The following RARB variants were observed in gnomAD, a reference collection of about 807,000 sequenced individuals.
The protein encoded by RARB is HBV-activated protein.
Under a neutral mutation model 51.9 loss-of-function variants are expected in RARB, and 17 were observed. The ratio of observed to expected loss-of-function variants is 0.33; its 90% CI spans 0.22 to 0.49. The LOEUF is 0.49. RARB is among the 20% of genes least tolerant of loss of function. RARB has a pLI of 0.99. For synonymous variants in RARB, 215 were observed against 195.4 expected, an observed-to-expected ratio of 1.10 and a Z score of -0.84; for missense variants, 369 against 550.8, an observed-to-expected ratio of 0.67 and a Z score of 3.30.
At chr3:24,977,004 T>C (rs117835924) in intron 2 of RARB, among the ~76,000 whole-genome samples, 1,605 of 152,338 alleles carry the variant, frequency 0.011, 25 homozygotes, top group East Asian at 0.086. Flanking sequence ...CCAGCACCGC[T>C]TATTAAATAG....
intron 5 of RARB, among the ~76,000 whole-genome samples, chr3:25,272,092 A>T (rs550152792): frequency 6.6e-6 from 1 of 152,240 alleles, no homozygotes; most frequent in African/African-American, 2.4e-5. Context: ...CTCAGCAGCC[A>T]TGTGCTAGTG....
At chr3:24,958,294 G>A (rs1191903560) in intron 2 of RARB, among the ~76,000 whole-genome samples, 1 of 52,070 alleles carries the variant, frequency 1.9e-5, no homozygotes, top group African/African-American at 5.5e-5. Context: ...TTTTTTAGCT[G>A]TCATGGAGCC....
intron 5 of RARB, among the ~76,000 whole-genome samples, chr3:25,372,919 G>A (rs965462033): frequency 1.3e-5 from 2 of 152,200 alleles, no homozygotes; most frequent in East Asian, 1.9e-4. Context: ...TAAAGTCACA[G>A]GATTTACTGA....
chr3:25,174,611 G>A (rs762480533), intron 5 of RARB: 2 of 1,348,054 alleles, frequency 1.5e-6, no homozygotes, highest in Non-Finnish European at 2.0e-6. Context: ...TTTTCTCTGG[G>A]TTGATTGGAT....
chr3:25,120,155 G>A (rs940532002), intron 3 of RARB, among the ~76,000 whole-genome samples: 1 of 152,120 alleles, frequency 6.6e-6, no homozygotes. Flanking sequence ...TACTATATCA[G>A]GGTTGCAAAC....
chr3:24,845,111 C>G (rs554985104), intron 1 of RARB, among the ~76,000 whole-genome samples: 6 of 152,286 alleles, frequency 3.9e-5, no homozygotes, highest in Admixed American at 2.6e-4. Context: ...CTCCCCTAAT[C>G]TATTAAGGAT....
At chr3:25,520,580 G>T (rs910560118) in intron 3 of RARB, among the ~76,000 whole-genome samples, 2 of 152,132 alleles carry the variant, frequency 1.3e-5, no homozygotes, top group Non-Finnish European at 2.9e-5. Context: ...AATAAGTAGC[G>T]ACTGTGAATA....
At chr3:25,182,230 T>G (rs779501529) in intron 5 of RARB, among the ~76,000 whole-genome samples, 6 of 152,090 alleles carry the variant, frequency 3.9e-5, no homozygotes, top group Non-Finnish European at 8.8e-5. Context: ...AGTGAAAAAA[T>G]AACAGTGTGA....
At chr3:25,089,689 G>A (rs1309501816) in intron 3 of RARB, among the ~76,000 whole-genome samples, 2 of 152,082 alleles carry the variant, frequency 1.3e-5, no homozygotes, top group Non-Finnish European at 2.9e-5. Flanking sequence ...TTATCTCAGT[G>A]AGGTTCAGCA....
At chr3:25,264,129 A>G (rs1172184186) in intron 5 of RARB, among the ~76,000 whole-genome samples, 1 of 151,718 alleles carries the variant, frequency 6.6e-6, no homozygotes, top group Non-Finnish European at 1.5e-5. Flanking sequence ...TTTTAAAAAA[A>G]GGTTGATTCT....
chr3:25,375,755 T>C (rs1250710039), intron 5 of RARB, among the ~76,000 whole-genome samples: 1 of 152,202 alleles, frequency 6.6e-6, no homozygotes, highest in Non-Finnish European at 1.5e-5. Flanking sequence ...TGTAGATGTA[T>C]GCTGGGATGC....
chr3:25,585,508 T>C (rs183249771), intron 5 of RARB, among the ~76,000 whole-genome samples: 199 of 152,364 alleles, frequency 1.3e-3, no homozygotes, highest in Non-Finnish European at 2.1e-3. Flanking sequence ...CTGTATTTTT[T>C]ACAATGAAAT....
chr3:25,380,708 A>G (rs929071617), intron 5 of RARB, among the ~76,000 whole-genome samples: 1 of 152,204 alleles, frequency 6.6e-6, no homozygotes, highest in Non-Finnish European at 1.5e-5. Flanking sequence ...GAATGTTGAT[A>G]TAGCTTAAAT....
intron 1 of RARB, among the ~76,000 whole-genome samples, chr3:25,449,040 A>C (rs1432253485): frequency 6.6e-6 from 1 of 151,858 alleles, no homozygotes; most frequent in Non-Finnish European, 1.5e-5. Context: ...TGGTTAAGGG[A>C]GTATATGTGG....
At chr3:24,988,918 C>G (rs904414417) in intron 2 of RARB, among the ~76,000 whole-genome samples, 4 of 152,172 alleles carry the variant, frequency 2.6e-5, no homozygotes, top group African/African-American at 9.7e-5. Flanking sequence ...CTCCGCTTCC[C>G]AGGCTCAAGC....
chr3:24,925,344 C>T (rs113425158), intron 2 of RARB, among the ~76,000 whole-genome samples: 199 of 152,036 alleles, frequency 1.3e-3, no homozygotes, highest in African/African-American at 4.6e-3. Flanking sequence ...TAGATATGTC[C>T]TTGGAAAGAA....
At chr3:25,009,020 C>T (rs1054212285) in intron 2 of RARB, among the ~76,000 whole-genome samples, 3 of 152,078 alleles carry the variant, frequency 2.0e-5, no homozygotes, top group Non-Finnish European at 2.9e-5. Context: ...GCCTATTTGC[C>T]GAAGAAGCAG....
At chr3:25,184,385 A>T (rs1265501619) in intron 5 of RARB, among the ~76,000 whole-genome samples, 1 of 152,098 alleles carries the variant, frequency 6.6e-6, no homozygotes, top group Non-Finnish European at 1.5e-5. Flanking sequence ...TTCATGGTGA[A>T]TCACATGTGG....
chr3:24,921,925 A>G (rs1256773661), intron 2 of RARB, among the ~76,000 whole-genome samples: 1 of 152,210 alleles, frequency 6.6e-6, no homozygotes, highest in Non-Finnish European at 1.5e-5. Context: ...AAGGCTGCAG[A>G]TTGATGCAGG....
Sources: allele counts gnomAD v4.1 joint callset (sites outside exome capture counted in the v4.1 genomes callset), GRCh38; gene constraint gnomAD v4.1.1; transcripts MANE v1.5; gene names NCBI Gene and HGNC (gene_info 2026-07-23, HGNC 2026-07-21).